Variants in DYRK1A observed in about 807,000 individuals in gnomAD.
DYRK1A encodes dual specificity tyrosine-phosphorylation-regulated kinase 1A.
Under a neutral mutation model 79.7 loss-of-function variants are expected in DYRK1A, and 9 were observed. That is an observed-to-expected ratio of 0.11 (90% CI 0.07 to 0.20). DYRK1A has a LOEUF of 0.20. Ranked by LOEUF, DYRK1A falls within the 10% of genes least tolerant of loss-of-function variation. DYRK1A has a pLI of 1.00. For synonymous variants in DYRK1A, 349 were observed against 329.7 expected, an observed-to-expected ratio of 1.06 and a Z score of -0.63; for missense variants, 622 against 956.0, an observed-to-expected ratio of 0.65 and a Z score of 4.61.
At chr21:37,403,647 AAAT>A (rs199863286) in intron 1 of DYRK1A, among the ~76,000 whole-genome samples, 10,007 of 102,686 alleles carry the variant, frequency 0.097, 466 homozygotes, top group Middle Eastern at 0.11. Context: ...AAAAAAAAAA[AAAT>A]ATATATATAT....
At chr21:37,461,419 A>C (rs1450219513) in intron 2 of DYRK1A, among the ~76,000 whole-genome samples, 1 of 152,224 alleles carries the variant, frequency 6.6e-6, no homozygotes, top group Non-Finnish European at 1.5e-5. Flanking sequence ...GTTGGCTTTC[A>C]AAAATATTAA....
chr21:37,500,124 A>G lies in DYRK1A; in HGVS notation c.1212+3866A>G, dbSNP rs150158321. ...ATTTGATAGGGCTTTGTACTTAAAC[A>G]GTCTTAATGCTCCATGAATGAAGAC... On this transcript the variant is annotated intron_variant, in intron 9 of 11. Transcript: ENST00000647188. 2.0e-4 allele frequency among the ~76,000 whole-genome samples: 30 copies of G among 152,342 alleles called. No homozygotes were observed. In the East Asian group the frequency reaches 2.5e-3, roughly 13 times the overall value.
At chr21:37,473,953 CTAA>C (rs1348736303) in intron 3 of DYRK1A, among the ~76,000 whole-genome samples, 5 of 152,278 alleles carry the variant, frequency 3.3e-5, no homozygotes, top group East Asian at 3.9e-4. Flanking sequence ...GCCTGGAAAT[CTAA>C]TAATAATAAC....
intron 9 of DYRK1A, chr21:37,502,519 A>G (rs919365408): frequency 1.3e-5 from 2 of 152,192 alleles, no homozygotes; most frequent in African/African-American, 4.8e-5. Flanking sequence ...TGTGATAACC[A>G]TGTGATTCTA....
chr21:37,439,378 A>AT (rs1206863584), intron 2 of DYRK1A, among the ~76,000 whole-genome samples: 1 of 152,244 alleles, frequency 6.6e-6, no homozygotes, highest in Non-Finnish European at 1.5e-5. Flanking sequence ...GAAAGAGGAC[A>AT]TTCTGTTTTG....
At chr21:37,402,951 A>T (rs537162889) in intron 1 of DYRK1A, among the ~76,000 whole-genome samples, 21 of 152,148 alleles carry the variant, frequency 1.4e-4, no homozygotes, top group African/African-American at 4.3e-4. Flanking sequence ...TTTAGTAGAG[A>T]TGGGTTTTCA....
intron 2 of DYRK1A, among the ~76,000 whole-genome samples, chr21:37,425,244 G>A (rs1248457296): frequency 6.6e-6 from 1 of 152,170 alleles, no homozygotes; most frequent in Non-Finnish European, 1.5e-5. Context: ...TGGGACACAG[G>A]AAGTGCTCAG....
chr21:37,500,993 A>T (rs554725755), intron 9 of DYRK1A, among the ~76,000 whole-genome samples: 12 of 146,206 alleles, frequency 8.2e-5, no homozygotes, highest in Non-Finnish European at 1.5e-4. Flanking sequence ...GCTCTTCATT[A>T]TGTCCATTTA....
intron 9 of DYRK1A, 145 bp from the exon 10 acceptor site, chr21:37,505,138 G>A (rs903558275): frequency 9.1e-6 from 6 of 661,746 alleles, no homozygotes; most frequent in East Asian, 2.7e-5. Flanking sequence ...ATAGTAATGT[G>A]TGAAAAGGCA....
chr21:37,492,846 A>G (rs907570265), intron 7 of DYRK1A, among the ~76,000 whole-genome samples, 171 bp from the exon 8 acceptor site: 15 of 152,166 alleles, frequency 9.9e-5, no homozygotes, highest in African/African-American at 2.9e-4. Context: ...AATCCCTCAA[A>G]ATGTTTAGTT....
chr21:37,455,417 A>C (rs896986870), intron 2 of DYRK1A, among the ~76,000 whole-genome samples: 15 of 152,230 alleles, frequency 9.9e-5, no homozygotes, highest in Admixed American at 9.8e-4. Context: ...AGCAGTCTTT[A>C]AATTTTAAAT....
chr21:37,400,512 T>A (rs1460254907), intron 1 of DYRK1A, among the ~76,000 whole-genome samples: 1 of 152,338 alleles, frequency 6.6e-6, no homozygotes, highest in East Asian at 1.9e-4. Context: ...AGTCATAGTT[T>A]TATAACTTTT....
Position 37,514,818 on chromosome 21 carries a change from ATATCAT to A in DYRK1A, c.*2288_*2293del, listed in dbSNP as rs2053854711. ...TGCTGTTTAGGAATATAAGGTTAAG[ATATCAT>A]ATGGGTCAGGTCATTTTTTTTTTCT... On this transcript the variant is annotated 3_prime_UTR_variant, in exon 12 of 12. Transcript: ENST00000647188. The A allele has an allele frequency of 2.0e-5, 3 of 152,714 alleles. No homozygotes were observed. In the South Asian group the frequency reaches 6.2e-4, roughly 32 times the overall value. 9.5% of individuals were successfully genotyped at this position (152,714 alleles called of 1,614,324 possible). A position where few individuals can be genotyped will look rare whatever the true frequency, so the allele number is the denominator to read the frequency against.
At chr21:37,477,142 A>G (rs2052427549) in intron 3 of DYRK1A, among the ~76,000 whole-genome samples, 1 of 152,100 alleles carries the variant, frequency 6.6e-6, no homozygotes, top group African/African-American at 2.4e-5. Flanking sequence ...ATGACTCCAC[A>G]CATTTTTGCG....
chr21:37,499,815 A>C (rs2053385882), intron 9 of DYRK1A, among the ~76,000 whole-genome samples: 2 of 152,236 alleles, frequency 1.3e-5, no homozygotes, highest in Non-Finnish European at 2.9e-5. Context: ...ACCCTTGAAC[A>C]ATACAGGTTT....
chr21:37,447,140 C>T (rs1454019466), intron 2 of DYRK1A, among the ~76,000 whole-genome samples: 1 of 152,148 alleles, frequency 6.6e-6, no homozygotes, highest in Non-Finnish European at 1.5e-5. Flanking sequence ...CCCTGTCAAT[C>T]TATGATTGGA....
At chr21:37,410,015 A>G (rs1300421638) in intron 1 of DYRK1A, among the ~76,000 whole-genome samples, 3 of 152,232 alleles carry the variant, frequency 2.0e-5, no homozygotes, top group Non-Finnish European at 2.9e-5. Context: ...TAGAGATTGA[A>G]CATGAAGCAG....
At chr21:37,505,824 A>C (rs569028657) in intron 10 of DYRK1A, among the ~76,000 whole-genome samples, 1 of 152,344 alleles carries the variant, frequency 6.6e-6, no homozygotes, top group South Asian at 2.1e-4. Flanking sequence ...CAGCATTTTA[A>C]ATTACTTCTT....
rs561402816 is a variant in DYRK1A, at chr21:37,374,487, T to G, written c.-77+6859T>G. On this transcript the variant is annotated intron_variant, in intron 1 of 11. Coordinates refer to ENST00000647188, the MANE Select transcript of DYRK1A (RefSeq NM_001347721.2). ...CCCAAACAGTCTTCTGGAGAACTTGTCAAAGTTAAGAGATTTCCAAGCTCA... is the reference window on the plus strand; with the variant it reads ...CCCAAACAGTCTTCTGGAGAACTTGGCAAAGTTAAGAGATTTCCAAGCTCA... Among the ~76,000 whole-genome samples, 15 of 152,068 alleles carry G rather than the reference T, an allele frequency of 9.9e-5. No individual in the cohort carries two copies. In the South Asian group the frequency reaches 3.1e-3, roughly 32 times the overall value.
Sources: allele counts gnomAD v4.1 joint callset (sites outside exome capture counted in the v4.1 genomes callset), GRCh38; gene constraint gnomAD v4.1.1; transcripts MANE v1.5; gene names NCBI Gene and HGNC (gene_info 2026-07-23, HGNC 2026-07-21).